Variants in EYA4 observed in about 807,000 individuals in gnomAD.
EYA4 encodes the protein EYA transcriptional coactivator and phosphatase 4.
A neutral mutation model predicts 87.9 loss-of-function variants in EYA4; 31 were observed. The ratio of observed to expected loss-of-function variants is 0.35; its 90% CI spans 0.27 to 0.48. The LOEUF is 0.48. Ranked by LOEUF, EYA4 falls within the 20% of genes least tolerant of loss-of-function variation. EYA4 has a pLI of 0.99. For missense variants in EYA4, 678 were observed against 761.4 expected (o/e 0.89, Z 1.29); for synonymous variants, 263 against 270.6 (o/e 0.97, Z 0.28).
At chr6:133,263,558 T>C (rs1775967962) in intron 1 of EYA4, among the ~76,000 whole-genome samples, 1 of 152,172 alleles carries the variant, frequency 6.6e-6, no homozygotes, top group Non-Finnish European at 1.5e-5. Flanking sequence ...AGATGAATCA[T>C]TAGATCCAAG....
At chr6:133,510,475 G>A (rs1799048387) in intron 14 of EYA4, 2 of 346,158 alleles carry the variant, frequency 5.8e-6, no homozygotes, top group South Asian at 2.8e-5. Context: ...CATATTCTGG[G>A]AGAAAAACTT....
At chr6:133,242,102 C>G (rs1773997944) in intron 1 of EYA4, among the ~76,000 whole-genome samples, 1 of 152,252 alleles carries the variant, frequency 6.6e-6, no homozygotes, top group African/African-American at 2.4e-5. Flanking sequence ...CGGCTTCTAC[C>G]TGCACCCCGC....
At position 133,373,476 on chromosome 6, in the gene EYA4, A is replaced by G. The variant is rs1388618129; in HGVS notation, c.34-8916A>G. Reference sequence around the variant, plus strand: ...TAAATATTCATTTTAATGCAGGGAAATCTAAAGTTTCTGATATGTAATACT... The same window carrying G: ...TAAATATTCATTTTAATGCAGGGAAGTCTAAAGTTTCTGATATGTAATACT... On this transcript the variant is annotated intron_variant, in intron 2 of 19. Transcript: ENST00000355286. 2.6e-5 allele frequency among the ~76,000 whole-genome samples: 4 copies of G among 152,202 alleles called. No individual in the cohort carries two copies. In the East Asian group the frequency reaches 7.7e-4, roughly 29 times the overall value.
intron 18 of EYA4, among the ~76,000 whole-genome samples, chr6:133,523,380 T>C (rs1290760182): frequency 2.0e-5 from 3 of 152,208 alleles, no homozygotes; most frequent in South Asian, 2.1e-4. Context: ...TATCTGAGTA[T>C]AGATATTTCA....
intron 14 of EYA4, among the ~76,000 whole-genome samples, chr6:133,506,863 C>T (rs1307465047): frequency 6.6e-6 from 1 of 152,076 alleles, no homozygotes; most frequent in African/African-American, 2.4e-5. Context: ...TAAAGTATGC[C>T]ATCTGTGTGC....
chr6:133,442,840 T>TTGC (rs1315087606), intron 3 of EYA4, among the ~76,000 whole-genome samples: 1 of 152,100 alleles, frequency 6.6e-6, no homozygotes, highest in African/African-American at 2.4e-5. Flanking sequence ...TTTTCTTAGT[T>TTGC]TGCCAAGAAT....
At chr6:133,270,620 C>T (rs1776611347) in intron 1 of EYA4, among the ~76,000 whole-genome samples, 1 of 152,130 alleles carries the variant, frequency 6.6e-6, no homozygotes, top group East Asian at 1.9e-4. Context: ...TCAGCAAGCA[C>T]CTCAACAGGT....
intron 16 of EYA4, among the ~76,000 whole-genome samples, chr6:133,514,830 T>C (rs762266178): frequency 7.2e-5 from 11 of 152,242 alleles, no homozygotes; most frequent in Non-Finnish European, 1.6e-4. Context: ...TAGAAACATT[T>C]TAACAGCTAC....
At chr6:133,348,517 G>A (rs950448020) in intron 2 of EYA4, among the ~76,000 whole-genome samples, 25 of 151,688 alleles carry the variant, frequency 1.6e-4, no homozygotes, top group African/African-American at 5.3e-4. Flanking sequence ...CACCTGCCTC[G>A]GCCTCCCAAA....
intron 3 of EYA4, among the ~76,000 whole-genome samples, chr6:133,433,499 G>T (rs1306561473): frequency 6.6e-6 from 1 of 152,162 alleles, no homozygotes; most frequent in East Asian, 1.9e-4. Flanking sequence ...ATGACTACAG[G>T]CATGCGCCAC....
intron 2 of EYA4, among the ~76,000 whole-genome samples, chr6:133,373,002 A>G (rs1482955695): frequency 1.3e-5 from 2 of 152,086 alleles, no homozygotes; most frequent in African/African-American, 4.8e-5. Flanking sequence ...AACTTTAACA[A>G]AACTTTTGCA....
intron 3 of EYA4, among the ~76,000 whole-genome samples, chr6:133,441,335 G>A (rs1792267184): frequency 6.6e-6 from 1 of 152,056 alleles, no homozygotes; most frequent in Non-Finnish European, 1.5e-5. Flanking sequence ...TCTTTTTTAA[G>A]AGTTTCCATT....
At chr6:133,510,045 A>T (rs1799007997) in intron 14 of EYA4, among the ~76,000 whole-genome samples, 1 of 152,180 alleles carries the variant, frequency 6.6e-6, no homozygotes, top group Admixed American at 6.5e-5. Flanking sequence ...ATTTGGAAAA[A>T]CCTCAAATAT....
At chr6:133,393,804 C>T (rs1787513720) in intron 3 of EYA4, among the ~76,000 whole-genome samples, 1 of 152,186 alleles carries the variant, frequency 6.6e-6, no homozygotes, top group African/African-American at 2.4e-5. Flanking sequence ...CCTCTCTCTG[C>T]CACACCACAC....
chr6:133,375,706 C>A (rs1045592473), intron 2 of EYA4, among the ~76,000 whole-genome samples: 3 of 151,574 alleles, frequency 2.0e-5, no homozygotes, highest in Non-Finnish European at 4.4e-5. Flanking sequence ...GACAGCTATT[C>A]CTGGAATAAA....
chr6:133,399,217 A>G (rs938483404), intron 3 of EYA4, among the ~76,000 whole-genome samples: 1 of 152,150 alleles, frequency 6.6e-6, no homozygotes, highest in Non-Finnish European at 1.5e-5. Context: ...TCATTTTTAT[A>G]ATTTCTTCTT....
chr6:133,251,925 A>G (rs1446439995), intron 1 of EYA4, among the ~76,000 whole-genome samples: 2 of 152,224 alleles, frequency 1.3e-5, no homozygotes, highest in Non-Finnish European at 2.9e-5. Context: ...ATGAAGTCAA[A>G]CAATTCTCAT....
At chr6:133,263,865 G>A (rs907238643) in intron 1 of EYA4, among the ~76,000 whole-genome samples, 10 of 152,228 alleles carry the variant, frequency 6.6e-5, no homozygotes, top group African/African-American at 2.4e-4. Context: ...GTCTGTGTCA[G>A]AGGTCATGAG....
At chr6:133,288,393 G>A (rs1778237414) in intron 2 of EYA4, among the ~76,000 whole-genome samples, 1 of 152,188 alleles carries the variant, frequency 6.6e-6, no homozygotes, top group African/African-American at 2.4e-5. Flanking sequence ...AAACCAAATA[G>A]AGTTAGTAGG....
Sources: allele counts gnomAD v4.1 joint callset (sites outside exome capture counted in the v4.1 genomes callset), GRCh38; gene constraint gnomAD v4.1.1; transcripts MANE v1.5; gene names NCBI Gene and HGNC (gene_info 2026-07-23, HGNC 2026-07-21).